SCN8A: variants seen among roughly 807,000 people sequenced by gnomAD.
SCN8A encodes sodium voltage-gated channel alpha subunit 8.
A neutral mutation model predicts 184.1 loss-of-function variants in SCN8A; 30 were observed. That is an observed-to-expected ratio of 0.16 (90% CI 0.12 to 0.22). SCN8A has a LOEUF of 0.22. Among genes scored for constraint, SCN8A ranks in the 10% least tolerant of loss-of-function variants. The pLI is 1.00. For synonymous variants in SCN8A, 852 were observed against 907.0 expected, an observed-to-expected ratio of 0.94 and a Z score of 1.09; for missense variants, 1,057 against 2,498.9, an observed-to-expected ratio of 0.42 and a Z score of 12.30.
intron 11 of SCN8A, among the ~76,000 whole-genome samples, chr12:51,707,298 A>T (rs1382199083): frequency 6.6e-6 from 1 of 151,972 alleles, no homozygotes; most frequent in Non-Finnish European, 1.5e-5. Context: ...ATATATTTAT[A>T]TATCTATTAG....
intron 11 of SCN8A, 64 bp from the exon 12 acceptor site, chr12:51,721,482 T>C (rs1942059231): frequency 1.1e-5 from 17 of 1,497,540 alleles, no homozygotes; most frequent in Non-Finnish European, 1.5e-5. Flanking sequence ...CTTTGCTCAG[T>C]ATAAAGGTCC....
At chr12:51,655,448 C>G (rs1403176684) in intron 1 of SCN8A, among the ~76,000 whole-genome samples, 1 of 151,846 alleles carries the variant, frequency 6.6e-6, no homozygotes, top group African/African-American at 2.4e-5. Flanking sequence ...GTGGCACCAT[C>G]ATGGTTCACT....
chr12:51,734,646 A>T (rs567254882), intron 12 of SCN8A, among the ~76,000 whole-genome samples: 1 of 152,316 alleles, frequency 6.6e-6, no homozygotes, highest in African/African-American at 2.4e-5. Flanking sequence ...AGTGCTGCAG[A>T]GATTTTGTTT....
chr12:51,783,992 T>C (rs569007840), intron 21 of SCN8A, among the ~76,000 whole-genome samples: 3 of 152,360 alleles, frequency 2.0e-5, no homozygotes, highest in Admixed American at 6.5e-5. Context: ...ATAGATTTCA[T>C]GATAATTAAA....
rs943846863 is a variant in SCN8A, at chr12:51,705,509, G to A, written c.1227G>A (p.Val409=). The A allele has an allele frequency of 1.9e-6, 3 of 1,614,020 alleles. No individual in the cohort carries two copies. The highest frequency in any genetic ancestry group is 2.5e-6 in the Non-Finnish European group (3 of 1,179,918). The change falls in exon 10 of 27, where the codon GTG becomes GTA. Residue 409 remains valine, a synonymous_variant. Transcript: ENST00000627620. ...ATCTGGTGAACTTGATCTTGGCTGT[G>A]GTGGCCATGGCTTATGAAGAACAGA... ...SFYLVNLILA[V]VAMAYEEQNQ...
chr12:51,617,442 T>C (rs1351816553), intron 1 of SCN8A, among the ~76,000 whole-genome samples: 1 of 152,222 alleles, frequency 6.6e-6, no homozygotes, highest in African/African-American at 2.4e-5. Flanking sequence ...TTTAAAATTT[T>C]CCATTTGGTT....
intron 1 of SCN8A, among the ~76,000 whole-genome samples, chr12:51,629,400 G>A (rs1473222843): frequency 6.6e-6 from 1 of 152,032 alleles, no homozygotes; most frequent in Non-Finnish European, 1.5e-5. Flanking sequence ...ACCACTACTT[G>A]CCTGTGGTTC....
chr12:51,785,898 A>G (rs1317907457), intron 21 of SCN8A, among the ~76,000 whole-genome samples: 3 of 152,218 alleles, frequency 2.0e-5, no homozygotes, highest in African/African-American at 7.2e-5. Context: ...TCAGAATAAA[A>G]AGGCTGGAGA....
Position 51,638,685 on chromosome 12 carries a change from C to T in SCN8A, c.-54-24079C>T, listed in dbSNP as rs527382957. Among the ~76,000 whole-genome samples, 5 of 152,142 alleles carry T rather than the reference C, an allele frequency of 3.3e-5. No homozygotes were observed. The South Asian group carries it at 1.0e-3, about 32-fold the overall frequency. On this transcript the variant is annotated intron_variant, in intron 1 of 26. Transcript: ENST00000627620. ...TATTTTTAGTAGAGACGGGGTTTCACCATGTCGGCCAGGATGGTCTCGATC... is the reference window on the plus strand; with the variant it reads ...TATTTTTAGTAGAGACGGGGTTTCATCATGTCGGCCAGGATGGTCTCGATC...
chr12:51,669,142 T>C (rs1941088156), intron 2 of SCN8A, among the ~76,000 whole-genome samples: 3 of 152,218 alleles, frequency 2.0e-5, no homozygotes, highest in Admixed American at 2.0e-4. Flanking sequence ...TTATGACAGA[T>C]ACAAGGTCAC....
intron 2 of SCN8A, among the ~76,000 whole-genome samples, chr12:51,683,426 G>C (rs1003261728): frequency 2.6e-5 from 4 of 152,178 alleles, no homozygotes; most frequent in African/African-American, 9.7e-5. Context: ...AATTATTTTG[G>C]CAAGGCTGAT....
At chr12:51,684,860 A>G (rs779694963) in intron 3 of SCN8A, among the ~76,000 whole-genome samples, 1 of 152,206 alleles carries the variant, frequency 6.6e-6, no homozygotes, top group African/African-American at 2.4e-5. Context: ...AAAAATGCCA[A>G]TTTATTCAAG....
chr12:51,606,383 A>G (rs1011001129), intron 1 of SCN8A, among the ~76,000 whole-genome samples: 1 of 152,174 alleles, frequency 6.6e-6, no homozygotes, highest in Non-Finnish European at 1.5e-5. Context: ...CCTTTGTTGA[A>G]GATCAGTTGG....
rs868567913 is a variant in SCN8A, at chr12:51,704,170, A to G, written c.1135-1247A>G. Among the ~76,000 whole-genome samples the G allele has an allele frequency of 7.3e-5, 11 of 151,422 alleles. No individual in the cohort carries two copies. The Middle Eastern group carries it at 0.01, about 140-fold the overall frequency. On this transcript the variant is annotated intron_variant, in intron 9 of 26. Coordinates refer to ENST00000627620, the MANE Select transcript of SCN8A (RefSeq NM_001330260.2). The stretch of plus-strand genomic sequence containing the variant: ...CTTGGCCTCCCAAAGTGCTGGGATT[A>G]CAGGCATGAGCCACCGTGCCTGGCC...
intron 1 of SCN8A, among the ~76,000 whole-genome samples, chr12:51,616,501 A>G (rs1482560606): frequency 1.3e-5 from 2 of 152,122 alleles, no homozygotes; most frequent in Non-Finnish European, 2.9e-5. Context: ...AGTCCCAGCT[A>G]CTCAGGAGGT....
At chr12:51,760,841 C>T (rs752850591) in intron 14 of SCN8A, among the ~76,000 whole-genome samples, 5 of 152,078 alleles carry the variant, frequency 3.3e-5, no homozygotes, top group South Asian at 2.1e-4. Flanking sequence ...ATATGAACAC[C>T]GAAAACCTAT....
At chr12:51,697,899 A>G (rs1941621545) in intron 6 of SCN8A, among the ~76,000 whole-genome samples, 1 of 152,126 alleles carries the variant, frequency 6.6e-6, no homozygotes, top group African/African-American at 2.4e-5. Context: ...ACCAGGCTGG[A>G]GTGCAGTGGC....
Position 51,700,298 on chromosome 12 carries a change from G to A in SCN8A, c.928+507G>A, listed in dbSNP as rs1328620095. Among the ~76,000 whole-genome samples the A allele has an allele frequency of 5.3e-5, 8 of 152,172 alleles. No homozygotes were observed. The East Asian group carries it at 1.4e-3, about 26-fold the overall frequency. ...TGTGTTCAGAAGCTCTCAAACATCA[G>A]CCCTCTCTCTCCCTTTTTCGCATGT... On this transcript the variant is annotated intron_variant, in intron 7 of 26. Transcript: ENST00000627620.
In SCN8A at chr12:51,665,336, C is replaced by T. The variant is rs929847100; in HGVS notation, c.276+2243C>T. On this transcript the variant is annotated intron_variant, in intron 2 of 26. Transcript: ENST00000627620. ...GTGCTCCATTAGAAGACTGATTCTTCATGGTAGAAATTCTGACTTCAGCCT... is the reference window on the plus strand; with the variant it reads ...GTGCTCCATTAGAAGACTGATTCTTTATGGTAGAAATTCTGACTTCAGCCT... 4.9e-4 allele frequency among the ~76,000 whole-genome samples: 74 copies of T among 152,312 alleles called. 1 individual carries two copies. The highest frequency in any genetic ancestry group is 1.7e-3 in the African/African-American group (71 of 41,554).
Sources: allele counts gnomAD v4.1 joint callset (sites outside exome capture counted in the v4.1 genomes callset), GRCh38; gene constraint gnomAD v4.1.1; transcripts MANE v1.5; gene names NCBI Gene and HGNC (gene_info 2026-07-23, HGNC 2026-07-21).